The following DMXL1 variants were observed in gnomAD, a reference collection of about 807,000 sequenced individuals.
The protein encoded by DMXL1 is dmX-like protein 1.
A neutral mutation model predicts 319.2 loss-of-function variants in DMXL1; 99 were observed. That is an observed-to-expected ratio of 0.31 (90% CI 0.26 to 0.37). The LOEUF (loss-of-function observed/expected upper bound fraction) is 0.37. Ranked by LOEUF, DMXL1 falls within the 10% of genes least tolerant of loss-of-function variation. The pLI is 1.00. For missense variants in DMXL1, 3,745 were observed against 3,595.6 expected, an observed-to-expected ratio of 1.04 and a Z score of -1.06; for synonymous variants, 1,385 against 1,235.2, an observed-to-expected ratio of 1.12 and a Z score of -2.54.
At position 119,132,860 on chromosome 5, in the gene DMXL1, C is replaced by A; in HGVS notation, c.1316-272C>A. Reference sequence around the variant, plus strand: ...TCCAAGTTTTCTCCTTTCATCTGTGCAAGGGCAAAAGTAGATAAGAAACTA... The same window carrying A: ...TCCAAGTTTTCTCCTTTCATCTGTGAAAGGGCAAAAGTAGATAAGAAACTA... On this transcript the variant is annotated intron_variant, in intron 10 of 43. Coordinates refer to ENST00000539542, the MANE Select transcript of DMXL1 (RefSeq NM_001290321.3). 3 of 565,428 alleles carry A rather than the reference C, an allele frequency of 5.3e-6. No homozygotes were observed. In the Admixed American group the frequency reaches 8.2e-5, roughly 15 times the overall value. 35.0% of individuals were successfully genotyped at this position (565,428 alleles called of 1,614,324 possible). A position where few individuals can be genotyped will look rare whatever the true frequency, so the allele number is the denominator to read the frequency against.
At chr5:119,080,213 G>T (rs188293591) in intron 1 of DMXL1, among the ~76,000 whole-genome samples, 1 of 152,096 alleles carries the variant, frequency 6.6e-6, no homozygotes, top group African/African-American at 2.4e-5. Context: ...CAGGTGTGGT[G>T]GTGGGTGCCT....
rs113708146 is a variant in DMXL1 at position 119,170,964 on chromosome 5, A to G, written c.6173A>G (p.Gln2058Arg). ...YEIDGGKLRY[Q>R]LYHWLEKEVI... ...ATAGATGGTGGAAAATTGCGTTACC[A>G]ACTATACCACTGGCTTGAAAAAGAG... The change falls in exon 24 of 44, where the codon CAA (glutamine) becomes CGA (arginine). Residue 2058 changes from glutamine to arginine, a missense_variant. Physicochemically the swap from Gln to Arg is conservative, Grantham distance 43. Transcript: ENST00000539542. The G allele has an allele frequency of 6.2e-7, 1 of 1,613,780 alleles. No homozygotes were observed. The highest frequency in any genetic ancestry group is 1.3e-5 in the African/African-American group (1 of 74,886).
chr5:119,213,691 C>T (rs1270835509), intron 34 of DMXL1, among the ~76,000 whole-genome samples: 1 of 152,054 alleles, frequency 6.6e-6, no homozygotes, highest in Non-Finnish European at 1.5e-5. Flanking sequence ...ATCCTTTCCC[C>T]GTGGACTCCC....
At chr5:119,181,053 T>C (rs940662494) in intron 28 of DMXL1, among the ~76,000 whole-genome samples, 1 of 152,234 alleles carries the variant, frequency 6.6e-6, no homozygotes, top group Non-Finnish European at 1.5e-5. Flanking sequence ...TTGATCTTTG[T>C]ATAAGGTTGG....
intron 34 of DMXL1, among the ~76,000 whole-genome samples, chr5:119,211,778 A>C (rs1347841801): frequency 6.6e-6 from 1 of 152,212 alleles, no homozygotes; most frequent in African/African-American, 2.4e-5. Context: ...GTTTTAGTAA[A>C]TGAAAATCAC....
intron 2 of DMXL1, among the ~76,000 whole-genome samples, chr5:119,098,719 A>G (rs1226730041): frequency 1.3e-5 from 2 of 152,246 alleles, no homozygotes; most frequent in Admixed American, 1.3e-4. Flanking sequence ...TAGTACCAGA[A>G]TGAGAAAGTC....
At chr5:119,221,818 C>T (rs1394629) in intron 37 of DMXL1, among the ~76,000 whole-genome samples, 86,735 of 150,090 alleles carry the variant, frequency 0.58, 25,795 homozygotes, top group East Asian at 0.97. Flanking sequence ...TATATAATTT[C>T]TTAAGTTAAG....
Position 119,214,711 on chromosome 5 carries a change from G to T in DMXL1, c.7927-2190G>T, listed in dbSNP as rs538827145. ...AATCACCTCAGTTGATTCTTATTCAGGTTATCTTGACACCACCTTACTGAG... is the reference window on the plus strand; with the variant it reads ...AATCACCTCAGTTGATTCTTATTCATGTTATCTTGACACCACCTTACTGAG... On this transcript the variant is annotated intron_variant, in intron 34 of 43. Transcript: ENST00000539542. Among the ~76,000 whole-genome samples, 110 of 152,178 alleles carry T rather than the reference G, an allele frequency of 7.2e-4. 2 individuals are homozygous for T. Among genetic ancestry groups the T allele is most frequent in the African/African-American group, 2.5e-3 (104 of 41,534 alleles).
chr5:119,191,796 G>A (rs1015443222), intron 29 of DMXL1, among the ~76,000 whole-genome samples: 4 of 152,168 alleles, frequency 2.6e-5, no homozygotes, highest in Non-Finnish European at 4.4e-5. Flanking sequence ...CTTCCCTGCT[G>A]ACCCTGGTGG....
chr5:119,106,787 A>T (rs1758450372), intron 4 of DMXL1, among the ~76,000 whole-genome samples: 1 of 152,216 alleles, frequency 6.6e-6, no homozygotes, highest in Non-Finnish European at 1.5e-5. Flanking sequence ...CCTTTTCCAT[A>T]GTAGGTGTTC....
intron 1 of DMXL1, among the ~76,000 whole-genome samples, chr5:119,087,068 GTCTTC>G (rs1753541131): frequency 6.6e-6 from 1 of 151,260 alleles, no homozygotes; most frequent in African/African-American, 2.4e-5. Context: ...ACTTACTTGG[GTCTTC>G]TCTTTTTTGC....
intron 19 of DMXL1, among the ~76,000 whole-genome samples, chr5:119,153,169 G>A (rs747551894): frequency 6.6e-6 from 1 of 151,964 alleles, no homozygotes; most frequent in Non-Finnish European, 1.5e-5. Context: ...TAGAGATGGG[G>A]TTTCACCATA....
intron 2 of DMXL1, 127 bp downstream of exon 2, chr5:119,098,231 A>G (rs1756424705): frequency 3.6e-6 from 4 of 1,114,674 alleles, no homozygotes; most frequent in Non-Finnish European, 5.0e-6. Flanking sequence ...TAGCTAGAAG[A>G]ATTTTTGGCT....
At chr5:119,131,540 A>G (rs112364036) in intron 10 of DMXL1, among the ~76,000 whole-genome samples, 171 of 152,302 alleles carry the variant, frequency 1.1e-3, no homozygotes, top group Non-Finnish European at 2.0e-3. Flanking sequence ...TTACACTCAA[A>G]TAATGTATTT....
intron 1 of DMXL1, among the ~76,000 whole-genome samples, chr5:119,093,210 G>A (rs1219494918): frequency 6.6e-6 from 1 of 152,018 alleles, no homozygotes; most frequent in Non-Finnish European, 1.5e-5. Context: ...TTTGAACAGA[G>A]TCTTGCTCTG....
intron 22 of DMXL1, among the ~76,000 whole-genome samples, chr5:119,167,078 T>C (rs1392713033): frequency 6.6e-6 from 1 of 152,140 alleles, no homozygotes; most frequent in African/African-American, 2.4e-5. Flanking sequence ...TTTAAACATA[T>C]TTGAACCCCA....
intron 19 of DMXL1, among the ~76,000 whole-genome samples, chr5:119,152,641 G>A (rs1373053622): frequency 2.0e-5 from 3 of 152,082 alleles, no homozygotes; most frequent in Non-Finnish European, 4.4e-5. Context: ...CTTATTAAAC[G>A]ATTATTGTAG....
chr5:119,233,158 G>C (rs1787096331), intron 38 of DMXL1, among the ~76,000 whole-genome samples, 182 bp from the exon 39 acceptor site: 1 of 152,112 alleles, frequency 6.6e-6, no homozygotes, highest in Non-Finnish European at 1.5e-5. Context: ...TTAGTCAAAT[G>C]AAAGTGTATT....
rs1299510298 is a variant in DMXL1 at position 119,110,134 on chromosome 5, A to G, written c.365-17A>G. The G allele has an allele frequency of 4.4e-6, 7 of 1,580,646 alleles. No individual in the cohort carries two copies. Among genetic ancestry groups the G allele is most frequent in the Non-Finnish European group, 6.0e-6 (7 of 1,164,926 alleles). ...TTAAATACCTAAATAATAAATGAGG[A>G]ATAATATTTTTTTTAGGCAGTCGTC... On this transcript the variant is annotated splice_polypyrimidine_tract_variant and intron_variant, in intron 4 of 43. Transcript: ENST00000539542.
Sources: gnomAD v4.1 joint callset for allele counts (sites outside exome capture counted in the v4.1 genomes callset) on GRCh38, gnomAD v4.1.1 for gene constraint, MANE v1.5 for transcripts, NCBI Gene and HGNC (gene_info 2026-07-23, HGNC 2026-07-21) for gene names.